Variants in BIN1 observed in about 807,000 individuals in gnomAD.
The protein encoded by BIN1 is myc box-dependent-interacting protein 1.
In BIN1, 53 loss-of-function variants were observed where a neutral mutation model predicts 82.0. The ratio of observed to expected loss-of-function variants is 0.65; its 90% CI spans 0.52 to 0.81. The LOEUF (loss-of-function observed/expected upper bound fraction) is 0.81, where lower values mean the gene tolerates loss of function less well. Ranked by LOEUF, BIN1 falls within the 40% of genes least tolerant of loss-of-function variation. BIN1 has a pLI of 0.00. For missense variants in BIN1, 642 were observed against 784.4 expected, an observed-to-expected ratio of 0.82 and a Z score of 2.17; for synonymous variants, 302 against 328.0, an observed-to-expected ratio of 0.92 and a Z score of 0.86.
chr2:127,069,731 AACACAC>A lies in BIN1; in HGVS notation c.411+258_411+263del, dbSNP rs3832046. On this transcript the variant is annotated intron_variant, in intron 5 of 18. Coordinates refer to ENST00000316724, the MANE Select transcript of BIN1 (RefSeq NM_139343.3). ...ATCATATAGCCAGCCACTCCGCAGC[AACACAC>A]ACACACACACACACACACACACACA... 1.7e-3 allele frequency among the ~76,000 whole-genome samples: 256 copies of A among 147,618 alleles called. 3 individuals are homozygous for A. The highest frequency in any genetic ancestry group is 0.015 in the South Asian group (66 of 4,536).
At chr2:127,073,882 G>A (rs1686247104) in intron 2 of BIN1, among the ~76,000 whole-genome samples, 2 of 152,188 alleles carry the variant, frequency 1.3e-5, no homozygotes, top group Non-Finnish European at 2.9e-5. Context: ...GTACTCTGGG[G>A]GAGGGGCAAG....
rs754317053 is a variant in BIN1, at chr2:127,092,563, C to T, written c.84+14297G>A. 2.6e-4 allele frequency among the ~76,000 whole-genome samples: 40 copies of T among 152,334 alleles called. 1 individual carries two copies. Among genetic ancestry groups the T allele is most frequent in the South Asian group, 6.2e-4 (3 of 4,832 alleles). On this transcript the variant is annotated intron_variant, in intron 1 of 18. Transcript: ENST00000316724. The stretch of plus-strand genomic sequence containing the variant: ...GCCCGCAGTCCCTAGCACCACCAGG[C>T]TCAGCCCTGAGGCCAGCCACCAGCT...
chr2:127,063,767 G>T, intron 8 of BIN1, 121 bp from the exon 9 acceptor site: 2 of 1,381,320 alleles, frequency 1.4e-6, no homozygotes, highest in Non-Finnish European at 1.0e-6. Flanking sequence ...GAGGGCCCAG[G>T]CACCGCAGCA....
At position 127,070,753 on chromosome 2, in the gene BIN1, G is replaced by C. The variant is rs776841551; in HGVS notation, c.220+9C>G. On this transcript the variant is annotated intron_variant, in intron 3 of 18. Coordinates refer to ENST00000316724, the MANE Select transcript of BIN1 (RefSeq NM_139343.3). Reference sequence around the variant, plus strand: ...TACACGGGCCAGGTGCGCTCTGCCTGCCTCCTACCTTTGACGGAGGCCAGG... The same window carrying C: ...TACACGGGCCAGGTGCGCTCTGCCTCCCTCCTACCTTTGACGGAGGCCAGG... The C allele has an allele frequency of 1.9e-6, 3 of 1,613,824 alleles. No homozygotes were observed. The highest frequency in any genetic ancestry group is 2.5e-6 in the Non-Finnish European group (3 of 1,179,974).
chr2:127,096,988 C>A (rs1339940956), intron 1 of BIN1, among the ~76,000 whole-genome samples: 1 of 152,196 alleles, frequency 6.6e-6, no homozygotes, highest in African/African-American at 2.4e-5. Flanking sequence ...CTGGTGGAAA[C>A]CCCTCGCTGC....
chr2:127,074,210 C>T (rs1178176231), intron 2 of BIN1, among the ~76,000 whole-genome samples: 3 of 152,126 alleles, frequency 2.0e-5, no homozygotes, highest in Non-Finnish European at 4.4e-5. Flanking sequence ...CCCAGGGCCC[C>T]CAAGCCCACT....
Position 127,050,858 on chromosome 2 carries a change from C to T in BIN1, c.1516G>A (p.Val506Met), listed in dbSNP as rs371571307. The stretch of plus-strand genomic sequence containing the variant: ...CGCCCGGCCCCACTGCCGCCCTCCA[C>T]GGTGCCATTCACAGTTGCTGGGAAG... ...ETFPATVNGT[V>M]EGGSGAGRLD... The change falls in exon 17 of 19, where the codon GTG (valine) becomes ATG (methionine). Residue 506 changes from valine (V) to methionine (M), a missense_variant. Val to Met is a conservative substitution (Grantham distance 21). Coordinates refer to ENST00000316724, the MANE Select transcript of BIN1 (RefSeq NM_139343.3). 13 of 1,613,782 alleles carry T rather than the reference C, an allele frequency of 8.1e-6. No individual in the cohort carries two copies. Among genetic ancestry groups the T allele is most frequent in the Admixed American group, 1.7e-5 (1 of 60,016 alleles).
intron 2 of BIN1, among the ~76,000 whole-genome samples, chr2:127,075,065 G>T (rs1202642486): frequency 6.6e-5 from 10 of 152,166 alleles, no homozygotes; most frequent in African/African-American, 2.2e-4. Flanking sequence ...AGCCTAGCCA[G>T]CTGCCCTCAG....
At chr2:127,089,329 A>G (rs1322782967) in intron 1 of BIN1, among the ~76,000 whole-genome samples, 1 of 152,022 alleles carries the variant, frequency 6.6e-6, no homozygotes, top group African/African-American at 2.4e-5. Context: ...CCAAGACTTG[A>G]TTTTGCAGCC....
rs1175927626 is a variant in BIN1 at position 127,081,063 on chromosome 2, G to A, written c.85-4357C>T. On this transcript the variant is annotated intron_variant, in intron 1 of 18. Transcript: ENST00000316724. ...AGGGCAGAAGGCCCTGGCGTCAGCC[G>A]CTCCCTGTGGGTACAGGGAGTCCTG... 6.6e-5 allele frequency among the ~76,000 whole-genome samples: 10 copies of A among 152,312 alleles called. 1 individual carries two copies. Among genetic ancestry groups the A allele is most frequent in the African/African-American group, 7.2e-5 (3 of 41,588 alleles).
At position 127,080,302 on chromosome 2, in the gene BIN1, G is replaced by A. The variant is rs578256977; in HGVS notation, c.85-3596C>T. On this transcript the variant is annotated intron_variant, in intron 1 of 18. Transcript: ENST00000316724. ...TGGTTAGTGGGGCCTCCCCTGTGCCGAGCTCACAGGCAGACCACTGAGGGA... is the reference window on the plus strand; with the variant it reads ...TGGTTAGTGGGGCCTCCCCTGTGCCAAGCTCACAGGCAGACCACTGAGGGA... 6.6e-5 allele frequency among the ~76,000 whole-genome samples: 10 copies of A among 152,348 alleles called. No individual in the cohort carries two copies. In the South Asian group the frequency reaches 1.7e-3, roughly 25 times the overall value.
intron 15 of BIN1, among the ~76,000 whole-genome samples, chr2:127,051,653 G>A (rs1682966239): frequency 1.3e-5 from 2 of 152,196 alleles, no homozygotes. Flanking sequence ...GTCCATGGCA[G>A]GGGACAGCAA....
Position 127,062,213 on chromosome 2 carries a change from T to C in BIN1, c.775-16A>G. On this transcript the variant is annotated splice_polypyrimidine_tract_variant and intron_variant, in intron 9 of 18. Coordinates refer to ENST00000316724, the MANE Select transcript of BIN1 (RefSeq NM_139343.3). ...TCTGGTTGAGCTGCAGGAGAGACAGTGAGGAGGTGGGGGGCCTCCAAGGCC... is the reference window on the plus strand; with the variant it reads ...TCTGGTTGAGCTGCAGGAGAGACAGCGAGGAGGTGGGGGGCCTCCAAGGCC... 1.3e-6 allele frequency: 2 copies of C among 1,593,668 alleles called. No homozygotes were observed. The highest frequency in any genetic ancestry group is 1.1e-5 in the South Asian group (1 of 88,086).
rs112561500 is a variant in BIN1, at chr2:127,067,112, T to C, written c.612+1051A>G. 6.4e-3 allele frequency among the ~76,000 whole-genome samples: 957 copies of C among 149,594 alleles called. 2 individuals carry two copies. The highest frequency in any genetic ancestry group is 0.01 in the Non-Finnish European group (705 of 67,554). ...GAAAAAGAAATTGGACAGCAAGCCA[T>C]GCCAAGCCCACCCAGAGCTCTCCAC... On this transcript the variant is annotated intron_variant, in intron 7 of 18. Transcript: ENST00000316724. This position sits in a 1 kb window ranked among gnomAD's most constrained non-coding sequence, Gnocchi z 4.7.
At position 127,093,289 on chromosome 2, in the gene BIN1, G is replaced by T. The variant is rs1679177864; in HGVS notation, c.84+13571C>A. On this transcript the variant is annotated intron_variant, in intron 1 of 18. Coordinates refer to ENST00000316724, the MANE Select transcript of BIN1 (RefSeq NM_139343.3). This position sits in a 1 kb window ranked among gnomAD's most constrained non-coding sequence, Gnocchi z 5.7. ...GGTAAGCTCTCTGTGACCTTCTCCTGCCCTTCTGTCTCTCTCCCCTCTTTT... is the reference window on the plus strand; with the variant it reads ...GGTAAGCTCTCTGTGACCTTCTCCTTCCCTTCTGTCTCTCTCCCCTCTTTT... Among the ~76,000 whole-genome samples, 2 of 152,204 alleles carry T rather than the reference G, an allele frequency of 1.3e-5. No homozygotes were observed. The highest frequency in any genetic ancestry group is 1.3e-4 in the Admixed American group (2 of 15,282).
chr2:127,100,982 C>T (rs1349422166), intron 1 of BIN1, among the ~76,000 whole-genome samples: 1 of 109,030 alleles, frequency 9.2e-6, no homozygotes, highest in East Asian at 2.5e-4. Context: ...TGAGACTTGC[C>T]CAAGGGTAGG....
At position 127,057,459 on chromosome 2, in the gene BIN1, C is replaced by T. The variant is rs767192904; in HGVS notation, c.1131+14G>A. 8.4e-5 allele frequency: 129 copies of T among 1,541,786 alleles called. No homozygotes were observed. The South Asian group carries it at 1.3e-3, about 15-fold the overall frequency. The stretch of plus-strand genomic sequence containing the variant: ...GGAAGAGAGGAGAGCTGGGCCGCGG[C>T]GGCCGCGGCTGACCTGGGAGGGGGT... On this transcript the variant is annotated intron_variant, in intron 12 of 18. Transcript: ENST00000316724. This position sits in a 1 kb window ranked among gnomAD's most constrained non-coding sequence, Gnocchi z 5.0.
chr2:127,080,645 A>G (rs1292687639), intron 1 of BIN1, among the ~76,000 whole-genome samples: 1 of 152,012 alleles, frequency 6.6e-6, no homozygotes, highest in Non-Finnish European at 1.5e-5. Flanking sequence ...CAACAGTCCC[A>G]GGAGCTTTAT....
Position 127,093,545 on chromosome 2 carries a change from T to C in BIN1, c.84+13315A>G, listed in dbSNP as rs1679208248. On this transcript the variant is annotated intron_variant, in intron 1 of 18. Transcript: ENST00000316724. This position sits in a 1 kb window ranked among gnomAD's most constrained non-coding sequence, Gnocchi z 5.7. ...GCCGAGCCGACAAGCCTTGCTGGGT[T>C]CCCCCTCGGACTATCACCATTAGGT... 6.6e-6 allele frequency among the ~76,000 whole-genome samples: 1 copy of C among 152,008 alleles called. No homozygotes were observed. Among genetic ancestry groups the C allele is most frequent in the Admixed American group, 6.6e-5 (1 of 15,258 alleles).
Sources: gnomAD v4.1 joint callset for allele counts (sites outside exome capture counted in the v4.1 genomes callset) on GRCh38, gnomAD v4.1.1 for gene constraint, Gnocchi (gnomAD v3.1) non-coding constraint, MANE v1.5 for transcripts, NCBI Gene and HGNC (gene_info 2026-07-23, HGNC 2026-07-21) for gene names.